The following SLC25A16 variants were observed in gnomAD, a reference collection of about 807,000 sequenced individuals.
SLC25A16 encodes solute carrier family 25 member 16.
A neutral mutation model predicts 41.5 loss-of-function variants in SLC25A16; 39 were observed. That is an observed-to-expected ratio of 0.94 (90% CI 0.73 to 1.23). SLC25A16 has a LOEUF of 1.23. Ranked by LOEUF, SLC25A16 falls within the 50% of genes most tolerant of loss-of-function variation. The pLI, the probability that SLC25A16 is intolerant of heterozygous loss-of-function variation, is 0.00. For missense variants in SLC25A16, 421 were observed against 426.9 expected, an observed-to-expected ratio of 0.99 and a Z score of 0.12; for synonymous variants, 146 against 147.8, an observed-to-expected ratio of 0.99 and a Z score of 0.09.
chr10:68,501,349 C>T (rs2052841433), intron 4 of SLC25A16, among the ~76,000 whole-genome samples: 1 of 152,084 alleles, frequency 6.6e-6, no homozygotes, highest in Non-Finnish European at 1.5e-5. Context: ...GAGCTTTCCT[C>T]ATAATATTGT....
At chr10:68,506,526 C>G in intron 3 of SLC25A16, 59 bp downstream of exon 3, 1 of 1,182,410 alleles carries the variant, frequency 8.5e-7, no homozygotes, top group South Asian at 1.9e-5. Context: ...AAGCAAATGC[C>G]TGGTCAAGCA....
chr10:68,484,626 T>C (rs530300867), intron 8 of SLC25A16, among the ~76,000 whole-genome samples: 1 of 151,676 alleles, frequency 6.6e-6, no homozygotes, highest in Non-Finnish European at 1.5e-5. Context: ...TTAAAAAAAA[T>C]TTTTTTAGAG....
chr10:68,486,956 C>CAAAAAA (rs374368406), intron 8 of SLC25A16, 188 bp downstream of exon 8: 4 of 103,108 alleles, frequency 3.9e-5, no homozygotes, highest in South Asian at 7.0e-5. Flanking sequence ...GACTGCATCT[C>CAAAAAA]AAAAAAAAAA....
In SLC25A16 at chr10:68,493,588, A is replaced by G. The variant is rs1468144698; in HGVS notation, c.422-18T>C. On this transcript the variant is annotated intron_variant, in intron 4 of 8. Coordinates refer to ENST00000609923, the MANE Select transcript of SLC25A16 (RefSeq NM_152707.4). The stretch of plus-strand genomic sequence containing the variant: ...TGTCATACCTGAAAAGAAAGTAGAA[A>G]TTTAGAGGTACAATGAATTTTTGAT... 1 of 1,600,986 alleles carries G rather than the reference A, an allele frequency of 6.2e-7. No individual in the cohort carries two copies. Among genetic ancestry groups the G allele is most frequent in the South Asian group, 1.1e-5 (1 of 90,626 alleles).
intron 2 of SLC25A16, among the ~76,000 whole-genome samples, chr10:68,512,018 G>A (rs1025589475): frequency 2.0e-5 from 3 of 152,008 alleles, no homozygotes; most frequent in Non-Finnish European, 2.9e-5. Context: ...CACCAAGCCT[G>A]GATAATTTTT....
At chr10:68,502,307 G>A (rs2052861470) in intron 4 of SLC25A16, among the ~76,000 whole-genome samples, 1 of 151,778 alleles carries the variant, frequency 6.6e-6, no homozygotes, top group South Asian at 2.1e-4. Context: ...AAGTACCAGA[G>A]GAAAAAAACT....
At chr10:68,490,363 A>G (rs2052636029) in intron 6 of SLC25A16, among the ~76,000 whole-genome samples, 1 of 151,498 alleles carries the variant, frequency 6.6e-6, no homozygotes, top group African/African-American at 2.4e-5. Flanking sequence ...TTTTTTTGAA[A>G]CAGAGTTTTA....
At chr10:68,487,281 A>G (rs2052581137) in intron 7 of SLC25A16, 69 bp from the exon 8 acceptor site, 1 of 1,097,014 alleles carries the variant, frequency 9.1e-7, no homozygotes, top group Non-Finnish European at 1.4e-6. Flanking sequence ...TTGAATACAA[A>G]GCCCTATAAA....
intron 4 of SLC25A16, among the ~76,000 whole-genome samples, chr10:68,503,423 A>G (rs2052892203): frequency 6.6e-6 from 1 of 152,184 alleles, no homozygotes. Context: ...CTGAATATAG[A>G]AAAACAACAA....
intron 3 of SLC25A16, among the ~76,000 whole-genome samples, chr10:68,505,129 T>G (rs1448704229): frequency 6.6e-6 from 1 of 152,044 alleles, no homozygotes; most frequent in East Asian, 1.9e-4. Context: ...TGAGACCCCA[T>G]CTCTACAAAA....
intron 4 of SLC25A16, among the ~76,000 whole-genome samples, chr10:68,498,512 T>G (rs533291556): frequency 2.2e-4 from 33 of 151,894 alleles, no homozygotes; most frequent in African/African-American, 7.7e-4. Context: ...CAAAATAACT[T>G]CTCATTTTTC....
chr10:68,487,243 A>G, intron 7 of SLC25A16, 31 bp from the exon 8 acceptor site: 2 of 1,599,674 alleles, frequency 1.3e-6, no homozygotes, highest in Admixed American at 1.7e-5. Context: ...AAAGAATTAA[A>G]AATTTTTGGT....
At chr10:68,486,153 G>A (rs1463728383) in intron 8 of SLC25A16, among the ~76,000 whole-genome samples, 7 of 149,416 alleles carry the variant, frequency 4.7e-5, no homozygotes, top group Non-Finnish European at 1.0e-4. Context: ...GGAAGGGGGA[G>A]GTTGCAGTGA....
intron 4 of SLC25A16, among the ~76,000 whole-genome samples, chr10:68,502,977 G>C (rs936046707): frequency 1.4e-5 from 2 of 145,918 alleles, no homozygotes. Context: ...GGAGAGTGGA[G>C]AGGAGAGGGA....
At chr10:68,487,345 G>C (rs1429159553) in intron 7 of SLC25A16, 133 bp from the exon 8 acceptor site, 1 of 635,394 alleles carries the variant, frequency 1.6e-6, no homozygotes, top group African/African-American at 1.8e-5. Flanking sequence ...CTAGGAGTCG[G>C]GATATAGGCA....
At chr10:68,495,132 C>G (rs1203957990) in intron 4 of SLC25A16, among the ~76,000 whole-genome samples, 1 of 151,744 alleles carries the variant, frequency 6.6e-6, no homozygotes, top group African/African-American at 2.4e-5. Context: ...AAAAATAGGC[C>G]GGATGTGGTG....
chr10:68,500,107 C>A (rs116353511), intron 4 of SLC25A16: 3,377 of 182,276 alleles, frequency 0.019, 123 homozygotes, highest in African/African-American at 0.075. Context: ...GGACGAGGGA[C>A]AGGGAAAAGT....
chr10:68,520,812 CAA>C (rs563100705), intron 1 of SLC25A16, among the ~76,000 whole-genome samples: 23 of 79,676 alleles, frequency 2.9e-4, no homozygotes, highest in East Asian at 4.0e-4. Flanking sequence ...AACTCTGTCT[CAA>C]AAAAAAAAAA....
At chr10:68,509,602 C>T (rs190013243) in intron 2 of SLC25A16, among the ~76,000 whole-genome samples, 2 of 150,330 alleles carry the variant, frequency 1.3e-5, no homozygotes, top group Admixed American at 1.3e-4. Context: ...ATTCAGGAGG[C>T]TGAGGCAGGA....
Sources: allele counts gnomAD v4.1 joint callset (sites outside exome capture counted in the v4.1 genomes callset), GRCh38; gene constraint gnomAD v4.1.1; transcripts MANE v1.5; gene names NCBI Gene and HGNC (gene_info 2026-07-23, HGNC 2026-07-21).